TMEM177: variants seen among roughly 807,000 people sequenced by gnomAD.
TMEM177 encodes the protein transmembrane protein 177.
In TMEM177, 4 loss-of-function variants were observed where a neutral mutation model predicts 14.2. That is an observed-to-expected ratio of 0.28 (90% CI 0.14 to 0.64). TMEM177 has a LOEUF of 0.64. Among genes scored for constraint, TMEM177 ranks in the 30% least tolerant of loss-of-function variants. TMEM177 has a pLI of 0.82. For missense variants in TMEM177, 344 were observed against 405.2 expected (o/e 0.85, Z 1.30); for synonymous variants, 179 against 174.5 (o/e 1.03, Z -0.20).
chr2:119,709,960 A>G, the TMEM177 span, among the ~76,000 whole-genome samples: 6 of 152,152 alleles, frequency 3.9e-5, 1 homozygote, highest in African/African-American at 9.7e-5. Context: ...AGAGATGGAG[A>G]GCAGATTGGT....
Position 119,680,972 on chromosome 2 carries a change from C to T in TMEM177, c.119C>T (p.Pro40Leu), listed in dbSNP as rs750316479. 1.9e-6 allele frequency: 3 copies of T among 1,614,232 alleles called. No homozygotes were observed. Among genetic ancestry groups the T allele is most frequent in the Non-Finnish European group, 2.5e-6 (3 of 1,180,038 alleles). ...ATCTCGTACCACCTCTTCCCGGATC[C>T]CGTGGTCCAATGGCTCTACCAGTAC... ...VPISYHLFPD[P>L]VVQWLYQYWP... The change falls in exon 2 of 2, where the codon CCC becomes CTC. Residue 40 changes from proline (P) to leucine (L), a missense_variant. Physicochemically the swap from Pro to Leu is moderately conservative, Grantham distance 98 (BLOSUM62 -3). Coordinates refer to ENST00000272521, the MANE Select transcript of TMEM177 (RefSeq NM_030577.3).
chr2:119,700,140 C>T, the TMEM177 span: 2 of 231,008 alleles, frequency 8.7e-6, no homozygotes, highest in South Asian at 7.4e-5. Flanking sequence ...GAAACAAAAA[C>T]GTATGGCTCT....
At chr2:119,694,352 A>G in the TMEM177 span, among the ~76,000 whole-genome samples, 5 of 151,984 alleles carry the variant, frequency 3.3e-5, no homozygotes, top group Non-Finnish European at 7.4e-5. Context: ...ACACACCCAC[A>G]CACACACACC....
chr2:119,716,295 C>T, the TMEM177 span, among the ~76,000 whole-genome samples: 1 of 152,206 alleles, frequency 6.6e-6, no homozygotes, highest in Non-Finnish European at 1.5e-5. Flanking sequence ...GGTCTCTACT[C>T]CATGAAAAAC....
At chr2:119,683,585 G>T (rs375338451), downstream of TMEM177, among the ~76,000 whole-genome samples, 1 of 152,248 alleles carries the variant, frequency 6.6e-6, no homozygotes, top group Non-Finnish European at 1.5e-5. Flanking sequence ...CATTCCTGCT[G>T]ATCTGCCCGA....
At chr2:119,685,069 T>C (rs971767378), downstream of TMEM177, among the ~76,000 whole-genome samples, 3 of 152,164 alleles carry the variant, frequency 2.0e-5, no homozygotes, top group Non-Finnish European at 4.4e-5. Flanking sequence ...GGCTTAGGCC[T>C]CGCCTCTCCC....
At chr2:119,703,940 C>A in the TMEM177 span, among the ~76,000 whole-genome samples, 4 of 152,248 alleles carry the variant, frequency 2.6e-5, no homozygotes, top group African/African-American at 9.6e-5. Flanking sequence ...TCATCCTTTA[C>A]TAAATAGCCC....
At chr2:119,700,952 G>A in the TMEM177 span, among the ~76,000 whole-genome samples, 2 of 152,344 alleles carry the variant, frequency 1.3e-5, no homozygotes, top group African/African-American at 2.4e-5. Context: ...ATCACAGGGA[G>A]GACGCTGTCC....
chr2:119,701,921 AT>A, the TMEM177 span, among the ~76,000 whole-genome samples: 1 of 152,154 alleles, frequency 6.6e-6, no homozygotes, highest in Non-Finnish European at 1.5e-5. Flanking sequence ...GTTGAGTCAG[AT>A]TACCGGTCTA....
At chr2:119,701,246 C>G in the TMEM177 span, among the ~76,000 whole-genome samples, 1 of 152,134 alleles carries the variant, frequency 6.6e-6, no homozygotes, top group African/African-American at 2.4e-5. Flanking sequence ...CCAAGCCTTC[C>G]TAGAGCCATA....
chr2:119,694,131 C>T, the TMEM177 span, among the ~76,000 whole-genome samples: 3 of 34,298 alleles, frequency 8.7e-5, no homozygotes, highest in Non-Finnish European at 1.3e-4. Flanking sequence ...CCACATGCCA[C>T]GCACATTGCA....
chr2:119,706,783 A>G, the TMEM177 span, among the ~76,000 whole-genome samples: 1 of 152,180 alleles, frequency 6.6e-6, no homozygotes. Flanking sequence ...TTCTTCTCCC[A>G]GCATCTAACA....
chr2:119,722,190 G>A, the TMEM177 span, among the ~76,000 whole-genome samples: 1 of 152,110 alleles, frequency 6.6e-6, no homozygotes, highest in Non-Finnish European at 1.5e-5. Flanking sequence ...GACCAGCCTG[G>A]GCGACATAGC....
chr2:119,690,713 GAC>G (rs367731832), downstream of TMEM177, among the ~76,000 whole-genome samples: 1 of 152,328 alleles, frequency 6.6e-6, no homozygotes, highest in Non-Finnish European at 1.5e-5. Context: ...CATCAAATGA[GAC>G]CTGCCAGAGT....
the TMEM177 span, among the ~76,000 whole-genome samples, chr2:119,696,913 T>C: frequency 6.6e-6 from 1 of 152,110 alleles, no homozygotes; most frequent in African/African-American, 2.4e-5. Flanking sequence ...ACAGGAGTTT[T>C]CCCCACCTGT....
At chr2:119,714,212 G>C in the TMEM177 span, among the ~76,000 whole-genome samples, 2 of 152,178 alleles carry the variant, frequency 1.3e-5, no homozygotes. Flanking sequence ...CTGCAACAAA[G>C]GGAGGGATGT....
chr2:119,716,553 A>G, the TMEM177 span, among the ~76,000 whole-genome samples: 1 of 152,170 alleles, frequency 6.6e-6, no homozygotes, highest in African/African-American at 2.4e-5. Flanking sequence ...CCAGGGGAGA[A>G]ATGGGTGTAA....
At chr2:119,684,367 T>C (rs984416609), downstream of TMEM177, among the ~76,000 whole-genome samples, 3 of 152,208 alleles carry the variant, frequency 2.0e-5, no homozygotes, top group Non-Finnish European at 4.4e-5. Flanking sequence ...TCACGTCAGA[T>C]GCCCGTTTAT....
the TMEM177 span, among the ~76,000 whole-genome samples, chr2:119,709,466 A>G: frequency 6.6e-6 from 1 of 152,242 alleles, no homozygotes; most frequent in East Asian, 1.9e-4. Context: ...ACTTGAGCCC[A>G]GGAGTCCAAG....
Sources: allele counts gnomAD v4.1 joint callset (sites outside exome capture counted in the v4.1 genomes callset), GRCh38; gene constraint gnomAD v4.1.1; transcripts MANE v1.5; gene names NCBI Gene and HGNC (gene_info 2026-07-23, HGNC 2026-07-21).